The following CLIC5 variants were observed in gnomAD, a reference collection of about 807,000 sequenced individuals.
CLIC5 encodes CLIC family member 5.
Under a neutral mutation model 24.7 loss-of-function variants are expected in CLIC5, and 20 were observed. That is an observed-to-expected ratio of 0.81 (90% CI 0.57 to 1.18). The LOEUF (loss-of-function observed/expected upper bound fraction) is 1.18, where lower values mean the gene tolerates loss of function less well. Among genes scored for constraint, CLIC5 ranks in the 50% most tolerant of loss-of-function variants. CLIC5 has a pLI of 0.00. For missense variants in CLIC5, 341 were observed against 326.1 expected (o/e 1.05, Z -0.35); for synonymous variants, 159 against 135.6 (o/e 1.17, Z -1.20).
chr6:46,017,930 C>T (rs1767066919), upstream of CLIC5, among the ~76,000 whole-genome samples: 1 of 152,218 alleles, frequency 6.6e-6, no homozygotes, highest in Non-Finnish European at 1.5e-5. Context: ...GCCCAACGTG[C>T]AACTCTCTTG....
chr6:45,987,140 C>T (rs1765771531), intron 1 of CLIC5, among the ~76,000 whole-genome samples: 1 of 152,192 alleles, frequency 6.6e-6, no homozygotes, highest in South Asian at 2.1e-4. Context: ...ACCCCATTAA[C>T]TTAGTTGGTA....
At chr6:45,978,825 C>T (rs1765472110) in intron 1 of CLIC5, among the ~76,000 whole-genome samples, 1 of 152,120 alleles carries the variant, frequency 6.6e-6, no homozygotes, top group South Asian at 2.1e-4. Flanking sequence ...TGGCACATGC[C>T]TTTAATCCCA....
At chr6:45,989,932 C>T (rs917530972) in intron 1 of CLIC5, among the ~76,000 whole-genome samples, 1 of 152,116 alleles carries the variant, frequency 6.6e-6, no homozygotes, top group Non-Finnish European at 1.5e-5. Flanking sequence ...TCTCCAGCGA[C>T]GTCTCCATCC....
chr6:45,976,809 T>C (rs1190725626), intron 1 of CLIC5, among the ~76,000 whole-genome samples: 2 of 152,198 alleles, frequency 1.3e-5, no homozygotes, highest in Non-Finnish European at 2.9e-5. Flanking sequence ...CTATGAGGTT[T>C]CCTAACATTA....
intron 5 of CLIC5, among the ~76,000 whole-genome samples, chr6:45,910,970 A>T (rs927369789): frequency 1.3e-5 from 2 of 152,140 alleles, no homozygotes; most frequent in Admixed American, 1.3e-4. Flanking sequence ...CCACTTCATC[A>T]TACCCACGCA....
At chr6:45,919,206 C>T (rs1025748858) in intron 4 of CLIC5, 2 of 669,604 alleles carry the variant, frequency 3.0e-6, no homozygotes, top group South Asian at 6.7e-5. Context: ...AGAGAACCTG[C>T]CCCTCCTTGC....
At chr6:46,053,768 G>C (rs755414757) in intron 1 of CLIC5, among the ~76,000 whole-genome samples, 1 of 152,196 alleles carries the variant, frequency 6.6e-6, no homozygotes, top group Non-Finnish European at 1.5e-5. Context: ...CGCAGTGGCT[G>C]CTGGGACCAA....
chr6:46,081,440 A>C (rs1410122318), upstream of CLIC5, among the ~76,000 whole-genome samples: 1 of 152,134 alleles, frequency 6.6e-6, no homozygotes, highest in Non-Finnish European at 1.5e-5. Flanking sequence ...ACTTCGTTGT[A>C]CTCTTAGACT....
intron 3 of CLIC5, among the ~76,000 whole-genome samples, chr6:45,947,485 T>C (rs1764326560): frequency 6.6e-6 from 1 of 151,300 alleles, no homozygotes. Flanking sequence ...CACCCCTCCA[T>C]CCACTGCCTG....
At chr6:45,939,238 T>TG (rs1244838159) in intron 4 of CLIC5, among the ~76,000 whole-genome samples, 4 of 149,348 alleles carry the variant, frequency 2.7e-5, no homozygotes, top group African/African-American at 1.0e-4. Flanking sequence ...TTTTTTTTTT[T>TG]TGAGTTGGAG....
chr6:45,930,553 GA>G (rs1157988497), intron 4 of CLIC5, among the ~76,000 whole-genome samples: 3 of 152,154 alleles, frequency 2.0e-5, no homozygotes, highest in Non-Finnish European at 2.9e-5. Context: ...AGACCCTTTC[GA>G]ATCCACAGGC....
At chr6:46,114,722 T>C in the CLIC5 span, among the ~76,000 whole-genome samples, 2 of 152,218 alleles carry the variant, frequency 1.3e-5, no homozygotes, top group African/African-American at 2.4e-5. Flanking sequence ...TAAATTGCTA[T>C]TGTTTAAAGC....
chr6:46,065,656 A>T (rs1762421631), intron 1 of CLIC5, among the ~76,000 whole-genome samples: 1 of 152,238 alleles, frequency 6.6e-6, no homozygotes, highest in East Asian at 1.9e-4. Flanking sequence ...GAAAGAAACC[A>T]CACACAAAAG....
intron 1 of CLIC5, among the ~76,000 whole-genome samples, chr6:46,077,764 A>G (rs1045278649): frequency 4.6e-5 from 7 of 152,218 alleles, no homozygotes; most frequent in African/African-American, 1.7e-4. Context: ...AAACTTAAAG[A>G]GTTAAATCTA....
chr6:46,079,588 AT>A, intron 1 of CLIC5: 1 of 857,710 alleles, frequency 1.2e-6, no homozygotes, highest in Non-Finnish European at 1.8e-6. Context: ...CTGAATATGT[AT>A]TGAGATCCAA....
chr6:46,015,669 C>A lies in CLIC5; in HGVS notation c.-127G>T. The A allele has an allele frequency of 7.6e-7, 1 of 1,310,074 alleles. No individual in the cohort carries two copies. The highest frequency in any genetic ancestry group is 2.2e-5 in the South Asian group (1 of 46,068). 81.2% of individuals were successfully genotyped at this position (1,310,074 alleles called of 1,614,324 possible). A position where few individuals can be genotyped will look rare whatever the true frequency, so the allele number is the denominator to read the frequency against. On this transcript the variant is annotated 5_prime_UTR_variant, in exon 1 of 6. Coordinates refer to ENST00000339561, the MANE Select transcript of CLIC5 (RefSeq NM_016929.5). The stretch of plus-strand genomic sequence containing the variant: ...CTTCAGGGCGGTGTTTAATTTTTCA[C>A]AAAACCATCTATTCTCCAGCCCGAG...
chr6:45,984,823 A>G (rs1765678486), intron 1 of CLIC5, among the ~76,000 whole-genome samples: 1 of 152,224 alleles, frequency 6.6e-6, no homozygotes, highest in South Asian at 2.1e-4. Context: ...CTTTTTAAAG[A>G]TGAGATGACT....
intron 3 of CLIC5, 32 bp downstream of exon 3, chr6:45,949,224 T>C: frequency 6.2e-7 from 1 of 1,603,638 alleles, no homozygotes; most frequent in Non-Finnish European, 8.5e-7. Context: ...ACCCTTCCCA[T>C]TCAACAGCCC....
At chr6:45,918,061 C>T (rs575984985) in intron 4 of CLIC5, among the ~76,000 whole-genome samples, 8 of 152,276 alleles carry the variant, frequency 5.3e-5, no homozygotes, top group South Asian at 2.1e-4. Context: ...TTCCCCTCTC[C>T]GCCTCTGCTC....
Sources: allele counts gnomAD v4.1 joint callset (sites outside exome capture counted in the v4.1 genomes callset), GRCh38; gene constraint gnomAD v4.1.1; transcripts MANE v1.5; gene names NCBI Gene and HGNC (gene_info 2026-07-23, HGNC 2026-07-21).